Variants in SLC44A1 observed in about 807,000 individuals in gnomAD.
SLC44A1 encodes the protein solute carrier family 44 member 1.
In SLC44A1, 26 loss-of-function variants were observed where a neutral mutation model predicts 79.3. The ratio of observed to expected loss-of-function variants is 0.33; its 90% CI spans 0.24 to 0.46. The LOEUF is 0.46. Among genes scored for constraint, SLC44A1 ranks in the 20% least tolerant of loss-of-function variants. The probability of loss-of-function intolerance (pLI) is 1.00; values close to 1 mark genes in which losing one functional copy is unlikely to be tolerated. For missense variants in SLC44A1, 688 were observed against 798.1 expected (o/e 0.86, Z 1.66); for synonymous variants, 263 against 286.2 (o/e 0.92, Z 0.82).
intron 5 of SLC44A1, among the ~76,000 whole-genome samples, chr9:105,349,381 G>T (rs1827336694): frequency 6.6e-6 from 1 of 152,128 alleles, no homozygotes; most frequent in Non-Finnish European, 1.5e-5. Context: ...GATTACTTAT[G>T]GGTGTAACTT....
intron 3 of SLC44A1, among the ~76,000 whole-genome samples, chr9:105,328,714 C>T (rs961995732): frequency 3.3e-5 from 5 of 152,162 alleles, no homozygotes; most frequent in Admixed American, 6.6e-5. Flanking sequence ...GAAGTGCTGG[C>T]GGAGGAGGCT....
chr9:105,407,894 C>T (rs1217347808), intron 15 of SLC44A1, among the ~76,000 whole-genome samples: 2 of 147,328 alleles, frequency 1.4e-5, no homozygotes, highest in Admixed American at 6.8e-5. Context: ...AGGCCAGGCA[C>T]GATGGCTCAC....
intron 1 of SLC44A1, among the ~76,000 whole-genome samples, chr9:105,260,619 G>A (rs117944231): frequency 7.9e-4 from 120 of 152,222 alleles, no homozygotes; most frequent in East Asian, 7.5e-3. Flanking sequence ...ACCCTTTCAC[G>A]TGAATCATTG....
At chr9:105,273,421 T>G (rs895789765) in intron 1 of SLC44A1, among the ~76,000 whole-genome samples, 1 of 152,348 alleles carries the variant, frequency 6.6e-6, no homozygotes, top group South Asian at 2.1e-4. Flanking sequence ...TCATGTAGAC[T>G]GTGGAGATGA....
intron 1 of SLC44A1, among the ~76,000 whole-genome samples, chr9:105,259,628 A>G (rs572042311): frequency 3.9e-5 from 6 of 152,330 alleles, no homozygotes; most frequent in African/African-American, 1.2e-4. Context: ...TCTATTTTGC[A>G]TGTGGTTTTG....
chr9:105,358,511 TA>T, intron 7 of SLC44A1, 78 bp downstream of exon 7: 2 of 815,742 alleles, frequency 2.5e-6, no homozygotes, highest in Non-Finnish European at 4.1e-6. Context: ...AAGAAGAAAA[TA>T]AATTATATTT....
At chr9:105,304,262 T>A (rs914333706) in intron 2 of SLC44A1, among the ~76,000 whole-genome samples, 1 of 152,170 alleles carries the variant, frequency 6.6e-6, no homozygotes, top group Non-Finnish European at 1.5e-5. Flanking sequence ...AGTGAGAGAT[T>A]CACTGCAGTA....
At chr9:105,398,737 A>G (rs1828918595), downstream of SLC44A1, among the ~76,000 whole-genome samples, 1 of 152,170 alleles carries the variant, frequency 6.6e-6, no homozygotes, top group African/African-American at 2.4e-5. Flanking sequence ...CACATGTTGA[A>G]GGGTTCAGAA....
At chr9:105,304,978 T>G (rs1203517697) in intron 2 of SLC44A1, among the ~76,000 whole-genome samples, 2 of 108,374 alleles carry the variant, frequency 1.8e-5, no homozygotes, top group Non-Finnish European at 3.5e-5. Context: ...TTTTTTTTTT[T>G]TTTTTTTTCA....
chr9:105,370,561 G>A (rs1828065136), intron 12 of SLC44A1, among the ~76,000 whole-genome samples: 1 of 152,094 alleles, frequency 6.6e-6, no homozygotes, highest in Non-Finnish European at 1.5e-5. Context: ...GGGCAGGGTG[G>A]GGTGATAAGA....
chr9:105,318,054 CTAGA>C lies in SLC44A1; in HGVS notation c.269+8195_269+8198del, dbSNP rs562525576. On this transcript the variant is annotated intron_variant, in intron 3 of 15. Coordinates refer to ENST00000374720, the MANE Select transcript of SLC44A1 (RefSeq NM_080546.5). ...TTAGCATAAAGTGGAAAAGAGCAGC[CTAGA>C]TAGATACCTCACATAAACTTGTATT... is the stretch of plus-strand genomic sequence containing the variant. 3.0e-3 allele frequency among the ~76,000 whole-genome samples: 457 copies of C among 152,316 alleles called. 2 individuals are homozygous for C. The highest frequency in any genetic ancestry group is 6.0e-3 in the South Asian group (29 of 4,828).
intron 3 of SLC44A1, among the ~76,000 whole-genome samples, chr9:105,331,971 C>CT (rs1277484508): frequency 6.6e-6 from 1 of 152,150 alleles, no homozygotes; most frequent in Non-Finnish European, 1.5e-5. Flanking sequence ...GTGACAGTGA[C>CT]TAACACCTAC....
intron 1 of SLC44A1, 65 bp downstream of exon 1, chr9:105,244,969 G>T: frequency 1.2e-6 from 1 of 824,282 alleles, no homozygotes; most frequent in Non-Finnish European, 1.6e-6. Context: ...CGCGCGGCGG[G>T]CGCCCGCCGC....
chr9:105,406,703 C>A (rs1829033540), intron 15 of SLC44A1, among the ~76,000 whole-genome samples: 1 of 152,196 alleles, frequency 6.6e-6, no homozygotes, highest in Non-Finnish European at 1.5e-5. Context: ...GATTGAGCCA[C>A]TGCACTCCAG....
chr9:105,297,152 G>C (rs543749699), intron 1 of SLC44A1, among the ~76,000 whole-genome samples: 3 of 152,066 alleles, frequency 2.0e-5, no homozygotes, highest in African/African-American at 7.2e-5. Flanking sequence ...GTGGGTGTTT[G>C]GGAACAAGCT....
chr9:105,271,427 T>C (rs988196257), intron 1 of SLC44A1, among the ~76,000 whole-genome samples: 5 of 152,170 alleles, frequency 3.3e-5, no homozygotes, highest in Non-Finnish European at 7.3e-5. Flanking sequence ...AGGAATGGAA[T>C]TTGGTCTTAA....
At chr9:105,317,673 T>C (rs1031446317) in intron 3 of SLC44A1, among the ~76,000 whole-genome samples, 8 of 152,142 alleles carry the variant, frequency 5.3e-5, no homozygotes, top group African/African-American at 1.9e-4. Flanking sequence ...GGAATTCTTG[T>C]TGGCCATCCT....
chr9:105,418,087 G>A (rs934825769), intron 15 of SLC44A1, among the ~76,000 whole-genome samples: 9 of 151,736 alleles, frequency 5.9e-5, no homozygotes, highest in South Asian at 2.1e-4. Flanking sequence ...AGGCCGAGGC[G>A]GGCGGATCAC....
intron 1 of SLC44A1, among the ~76,000 whole-genome samples, chr9:105,266,337 C>G (rs1237624234): frequency 6.6e-6 from 1 of 152,090 alleles, no homozygotes; most frequent in African/African-American, 2.4e-5. Context: ...CCACCACTGG[C>G]TCGGGAATGA....
Sources: gnomAD v4.1 joint callset for allele counts (sites outside exome capture counted in the v4.1 genomes callset) on GRCh38, gnomAD v4.1.1 for gene constraint, MANE v1.5 for transcripts, NCBI Gene and HGNC (gene_info 2026-07-23, HGNC 2026-07-21) for gene names.